The following EGFL7 variants were observed in gnomAD, a reference collection of about 807,000 sequenced individuals.
EGFL7 encodes EGF like domain multiple 7.
Under a neutral mutation model 37.1 loss-of-function variants are expected in EGFL7, and 48 were observed. The ratio of observed to expected loss-of-function variants is 1.29; its 90% CI spans 1.03 to 1.65. The LOEUF (loss-of-function observed/expected upper bound fraction) is 1.65, where lower values mean the gene tolerates loss of function less well. Among genes scored for constraint, EGFL7 ranks in the 40% most tolerant of loss-of-function variants. The probability of loss-of-function intolerance (pLI) is 0.00; values close to 1 mark genes in which losing one functional copy is unlikely to be tolerated. For missense variants in EGFL7, 384 were observed against 378.9 expected, an observed-to-expected ratio of 1.01 and a Z score of -0.11; for synonymous variants, 180 against 156.8, an observed-to-expected ratio of 1.15 and a Z score of -1.10.
In EGFL7 at chr9:136,672,430, C is replaced by A; in HGVS notation, c.*144C>A. ...GGGCCTTCCTCCTCTTCCTCCTCCCCTTCCTCGGGAGGCTCCCCAGACCCT... is the reference window on the plus strand; with the variant it reads ...GGGCCTTCCTCCTCTTCCTCCTCCCATTCCTCGGGAGGCTCCCCAGACCCT... On this transcript the variant is annotated 3_prime_UTR_variant, in exon 11 of 11. Transcript: ENST00000308874. 1 of 983,646 alleles carries A rather than the reference C, an allele frequency of 1.0e-6. No homozygotes were observed. The highest frequency in any genetic ancestry group is 1.5e-6 in the Non-Finnish European group (1 of 646,916). The allele number at this position is 983,646 out of a possible 1,614,324, so 60.9% of individuals were successfully genotyped here.
intron 3 of EGFL7, 134 bp downstream of exon 3, chr9:136,664,919 C>T (rs543538211): frequency 6.6e-6 from 1 of 152,416 alleles, no homozygotes; most frequent in East Asian, 1.9e-4. Flanking sequence ...CCCCACGTGC[C>T]GCGCCCGCAG....
intron 6 of EGFL7, 25 bp downstream of exon 6, chr9:136,669,746 C>A: frequency 1.3e-6 from 2 of 1,538,720 alleles, no homozygotes; most frequent in Non-Finnish European, 8.8e-7. Context: ...CCTCGGCGCC[C>A]GGTGTTAGGA....
chr9:136,670,691 A>G (rs763759929), intron 8 of EGFL7: 1 of 771,054 alleles, frequency 1.3e-6, no homozygotes, highest in African/African-American at 1.7e-5. Flanking sequence ...ACGGCACCGC[A>G]TCGAAAACGC....
chr9:136,670,824 C>T lies in EGFL7; in HGVS notation c.572-126C>T. ...AGACCTCTGGCCAGCGCCAGGCAGG[C>T]AGCGGGGGCGGCAGAGGCCTGGGCC... On this transcript the variant is annotated intron_variant, in intron 8 of 10. Coordinates refer to ENST00000308874, the MANE Select transcript of EGFL7 (RefSeq NM_016215.5). The T allele has an allele frequency of 8.7e-6, 8 of 917,458 alleles. No homozygotes were observed. The South Asian group carries it at 1.1e-4, about 12-fold the overall frequency. The allele number at this position is 917,458 out of a possible 1,614,324, so 56.8% of individuals were successfully genotyped here.
rs1845459330 is a variant in EGFL7, at chr9:136,666,139, C to T, written c.-43+1354C>T. ...CCTCGTCCGACCCGGCGCGACTCAGCGCCTCGGGGCCCAGCCTGTGCCGCC... is the reference window on the plus strand; with the variant it reads ...CCTCGTCCGACCCGGCGCGACTCAGTGCCTCGGGGCCCAGCCTGTGCCGCC... On this transcript the variant is annotated intron_variant, in intron 3 of 10. Transcript: ENST00000308874. This position sits in a 1 kb window ranked among gnomAD's most constrained non-coding sequence, Gnocchi z 6.8. 1.3e-5 allele frequency among the ~76,000 whole-genome samples: 2 copies of T among 149,070 alleles called. No individual in the cohort carries two copies. Among genetic ancestry groups the T allele is most frequent in the East Asian group, 1.9e-4 (1 of 5,132 alleles).
rs1014585981 is a variant in EGFL7, at chr9:136,666,996, C to T, written c.-42-1245C>T. 1.3e-5 allele frequency among the ~76,000 whole-genome samples: 2 copies of T among 152,116 alleles called. No individual in the cohort carries two copies. The highest frequency in any genetic ancestry group is 4.8e-5 in the African/African-American group (2 of 41,430). On this transcript the variant is annotated intron_variant, in intron 3 of 10. Coordinates refer to ENST00000308874, the MANE Select transcript of EGFL7 (RefSeq NM_016215.5). This position sits in a 1 kb window ranked among gnomAD's most constrained non-coding sequence, Gnocchi z 6.8. ...TTGGCAGCCTCTGCCCTGCCCTCCT[C>T]TCTCCAGCGCACAGAGGACTGGAGG...
chr9:136,668,351 C>CT lies in EGFL7; in HGVS notation c.70dup (p.Tyr24LeufsTer6). On this transcript the variant is annotated frameshift_variant, in exon 4 of 11. Coordinates refer to ENST00000308874, the MANE Select transcript of EGFL7 (RefSeq NM_016215.5). LOFTEE classifies it high-confidence loss of function. ...TGGCAGTGGGCGGCACAGAGCACGC[C>CT]TACCGGCCCGGGTGAGCCAAGCCCT... 6.2e-7 allele frequency: 1 copy of CT among 1,600,950 alleles called. No individual in the cohort carries two copies. Among genetic ancestry groups the CT allele is most frequent in the Non-Finnish European group, 8.5e-7 (1 of 1,173,662 alleles).
intron 8 of EGFL7, 83 bp from the exon 9 acceptor site, chr9:136,670,867 C>A: frequency 7.5e-7 from 1 of 1,330,274 alleles, no homozygotes; most frequent in Non-Finnish European, 1.0e-6. Flanking sequence ...TCTGGCTCTG[C>A]CTCTCCCTGG....
intron 5 of EGFL7, 67 bp downstream of exon 5, chr9:136,668,740 CAG>C (rs1845645459): frequency 7.5e-7 from 1 of 1,336,644 alleles, no homozygotes; most frequent in Non-Finnish European, 1.1e-6. Flanking sequence ...ATCAGCATGT[CAG>C]GGGCGAGGCG....
chr9:136,668,024 C>T (rs919822403), intron 3 of EGFL7, among the ~76,000 whole-genome samples: 10 of 152,202 alleles, frequency 6.6e-5, no homozygotes, highest in South Asian at 2.1e-4. Flanking sequence ...CCCCCTGTGC[C>T]CCCAGGCTGT....
At chr9:136,671,278 C>T (rs1484194653) in intron 9 of EGFL7, among the ~76,000 whole-genome samples, 2 of 19,850 alleles carry the variant, frequency 1.0e-4, no homozygotes, top group Non-Finnish European at 2.0e-4. Flanking sequence ...GATGAGGCGT[C>T]GGGGGGGGAG....
At chr9:136,668,759 A>C (rs990917561) in intron 5 of EGFL7, 86 bp downstream of exon 5, 45 of 1,191,462 alleles carry the variant, frequency 3.8e-5, no homozygotes, top group Non-Finnish European at 5.1e-5. Flanking sequence ...GGCGGGGGTG[A>C]ATCCTGGGAC....
At chr9:136,668,516 G>T in intron 4 of EGFL7, 41 bp from the exon 5 acceptor site, 3 of 1,590,752 alleles carry the variant, frequency 1.9e-6, no homozygotes, top group Non-Finnish European at 2.6e-6. Context: ...CTTGGGTCCT[G>T]CTCTGGGACT....
At position 136,666,709 on chromosome 9, in the gene EGFL7, G is replaced by C. The variant is rs1210322955; in HGVS notation, c.-42-1532G>C. 1.3e-5 allele frequency among the ~76,000 whole-genome samples: 2 copies of C among 151,994 alleles called. No individual in the cohort carries two copies. The highest frequency in any genetic ancestry group is 4.8e-5 in the African/African-American group (2 of 41,370). On this transcript the variant is annotated intron_variant, in intron 3 of 10. Transcript: ENST00000308874. This position sits in a 1 kb window ranked among gnomAD's most constrained non-coding sequence, Gnocchi z 6.8. ...CCCAGGCCCGCCCTGGCATCCCCCT[G>C]CCCACATCAAGCCGCCGGGCCGCTG... is the stretch of plus-strand genomic sequence containing the variant.
chr9:136,665,165 C>T (rs1845381193), intron 3 of EGFL7, among the ~76,000 whole-genome samples: 1 of 152,226 alleles, frequency 6.6e-6, no homozygotes. Flanking sequence ...GTGAGGGTGC[C>T]TGATGCCTGA....
chr9:136,671,760 G>A (rs529649426), intron 9 of EGFL7, among the ~76,000 whole-genome samples, 166 bp from the exon 10 acceptor site: 10 of 152,288 alleles, frequency 6.6e-5, no homozygotes, highest in South Asian at 4.1e-4. Flanking sequence ...CCCACTCTGC[G>A]GCAAGCTTTT....
chr9:136,671,914 C>T lies in EGFL7; in HGVS notation c.637-12C>T. On this transcript the variant is annotated splice_polypyrimidine_tract_variant and intron_variant, in intron 9 of 10. Coordinates refer to ENST00000308874, the MANE Select transcript of EGFL7 (RefSeq NM_016215.5). ...GGGCCGGCCCAGGGTCACTGCCCTT[C>T]TGCACCCACAGAAGCTGCAGCTGGT... 1 of 1,492,282 alleles carries T rather than the reference C, an allele frequency of 6.7e-7. No individual in the cohort carries two copies. Among genetic ancestry groups the T allele is most frequent in the Non-Finnish European group, 8.9e-7 (1 of 1,122,336 alleles). The allele number at this position is 1,492,282 out of a possible 1,614,324, so 92.4% of individuals were successfully genotyped here. A position where few individuals can be genotyped will look rare whatever the true frequency, so the allele number is the denominator to read the frequency against.
intron 9 of EGFL7, among the ~76,000 whole-genome samples, chr9:136,671,601 C>T (rs1005467634): frequency 6.6e-5 from 10 of 151,600 alleles, no homozygotes; most frequent in Admixed American, 1.3e-4. Flanking sequence ...TGGACCCAGA[C>T]GAGACCTCCC....
intron 6 of EGFL7, 56 bp downstream of exon 6, chr9:136,669,777 T>G: frequency 6.8e-7 from 1 of 1,471,542 alleles, no homozygotes. Context: ...TCCCCAATCT[T>G]CCAGCAACGC....
Sources: gnomAD v4.1 joint callset for allele counts (sites outside exome capture counted in the v4.1 genomes callset) on GRCh38, gnomAD v4.1.1 for gene constraint, Gnocchi (gnomAD v3.1) non-coding constraint, MANE v1.5 for transcripts, NCBI Gene and HGNC (gene_info 2026-07-23, HGNC 2026-07-21) for gene names.